CCDC93: variants seen among roughly 807,000 people sequenced by gnomAD.
CCDC93 encodes the protein CCC complex scaffolding subunit CCDC93, also known as coiled-coil domain-containing protein 93.
Under a neutral mutation model 108.2 loss-of-function variants are expected in CCDC93, and 61 were observed. The ratio of observed to expected loss-of-function variants is 0.56; its 90% confidence interval spans 0.46 to 0.70. The LOEUF is 0.70. Ranked by LOEUF, CCDC93 falls within the 30% of genes least tolerant of loss-of-function variation. The pLI is 0.00. For missense variants in CCDC93, 685 were observed against 764.2 expected, an observed-to-expected ratio of 0.90 and a Z score of 1.22; for synonymous variants, 276 against 260.4, an observed-to-expected ratio of 1.06 and a Z score of -0.58.
At chr2:117,982,548 G>C (rs1680178316) in intron 7 of CCDC93, among the ~76,000 whole-genome samples, 1 of 152,204 alleles carries the variant, frequency 6.6e-6, no homozygotes, top group South Asian at 2.1e-4. Context: ...ATGGGGGAAG[G>C]AGATGGAATG....
At position 117,916,928 on chromosome 2, in the gene CCDC93, G is replaced by T. The variant is rs1179807919; in HGVS notation, c.*3415C>A. The stretch of plus-strand genomic sequence containing the variant: ...CTTGGCAATCCCAACCATGGGGACA[G>T]ATGATGGCATCCATCCTATGGGGCT... On this transcript the variant is annotated 3_prime_UTR_variant, in exon 24 of 24. Transcript: ENST00000376300. 1 of 152,242 alleles carries T rather than the reference G, an allele frequency of 6.6e-6. No homozygotes were observed. Among genetic ancestry groups the T allele is most frequent in the Non-Finnish European group, 1.5e-5 (1 of 68,058 alleles). 9.4% of individuals were successfully genotyped at this position (152,242 alleles called of 1,614,324 possible). A position where few individuals can be genotyped will look rare whatever the true frequency, so the allele number is the denominator to read the frequency against.
chr2:117,938,756 A>C (rs1305029205), intron 20 of CCDC93, among the ~76,000 whole-genome samples: 2 of 151,946 alleles, frequency 1.3e-5, no homozygotes, highest in Non-Finnish European at 2.9e-5. Flanking sequence ...AGTCTCACCA[A>C]CTCCAGAGCT....
Position 117,939,063 on chromosome 2 carries a change from G to T in CCDC93, c.1571C>A (p.Thr524Asn), listed in dbSNP as rs1211894354. The T allele has an allele frequency of 6.2e-7, 1 of 1,604,470 alleles. No individual in the cohort carries two copies. The highest frequency in any genetic ancestry group is 1.1e-5 in the South Asian group (1 of 90,658). ...CAAATAAACCTTTTTATCATCCAGG[G>T]TATTATATAAAGTGAAGAACTGCTT... is the stretch of plus-strand genomic sequence containing the variant. ...ETKQFFTLYN[T>N]LDDKKVYLEK... The change falls in exon 20 of 24, where the codon ACC becomes AAC. Residue 524 changes from threonine to asparagine, a missense_variant. Coordinates refer to ENST00000376300, the MANE Select transcript of CCDC93 (RefSeq NM_019044.5).
chr2:118,006,038 T>C (rs1401486917), intron 3 of CCDC93, among the ~76,000 whole-genome samples: 1 of 152,078 alleles, frequency 6.6e-6, no homozygotes, highest in East Asian at 1.9e-4. Flanking sequence ...CACTTTTTTT[T>C]CCCCCTTTGC....
intron 19 of CCDC93, 125 bp downstream of exon 19, chr2:117,941,064 G>A (rs986183747): frequency 3.4e-5 from 23 of 675,780 alleles, no homozygotes; most frequent in Middle Eastern, 6.7e-4. Context: ...CTGATGAAAC[G>A]GAGCTTTCCG....
intron 20 of CCDC93, 58 bp from the exon 21 acceptor site, chr2:117,936,797 C>T (rs1429613129): frequency 1.6e-6 from 2 of 1,286,032 alleles, no homozygotes; most frequent in African/African-American, 1.5e-5. Context: ...TTCCACACTA[C>T]TGCAACTGCT....
In CCDC93 at chr2:117,959,341, TAAACAGTC is replaced by T. The variant is rs1268115169; in HGVS notation, c.889-868_889-861del. 2.0e-5 allele frequency among the ~76,000 whole-genome samples: 3 copies of T among 152,238 alleles called. 1 individual carries two copies. The highest frequency in any genetic ancestry group is 4.1e-4 in the South Asian group (2 of 4,832). On this transcript the variant is annotated intron_variant, in intron 11 of 23. Coordinates refer to ENST00000376300, the MANE Select transcript of CCDC93 (RefSeq NM_019044.5). Reference sequence around the variant, plus strand: ...ACTTCTTGGATGATTATAGTTTTATTAAACAGTCAAACACCAACAATAAAACATCTTCT... The same window carrying T: ...ACTTCTTGGATGATTATAGTTTTATTAAACACCAACAATAAAACATCTTCT...
At chr2:117,921,373 C>T (rs1223474420) in intron 23 of CCDC93, among the ~76,000 whole-genome samples, 4 of 152,088 alleles carry the variant, frequency 2.6e-5, no homozygotes, top group Non-Finnish European at 4.4e-5. Context: ...CTTCTAACTG[C>T]GCCTCCTGCC....
intron 6 of CCDC93, among the ~76,000 whole-genome samples, chr2:117,987,195 T>A (rs1048287567): frequency 6.6e-6 from 1 of 152,226 alleles, no homozygotes; most frequent in Non-Finnish European, 1.5e-5. Context: ...ACCTTTCTTT[T>A]ACACTTTATA....
rs138026247 is a variant in CCDC93 at position 117,946,824 on chromosome 2, C to A, written c.1283G>T (p.Arg428Leu). The part of the protein sequence containing the change: ...IENLKAERAP[R>L]GDEKTLSSGE... ...CAGAGCCTTTACCTTTTCATCTCCA[C>A]GTGGTGCTCTCTCAGCTTTCAGGTT... Residue 428 changes from arginine (R) to leucine (L), a missense_variant, in exon 16 of 24, where the codon CGT (arginine) becomes CTT (leucine). Physicochemically the swap from Arg to Leu is moderately radical, Grantham distance 102. Coordinates refer to ENST00000376300, the MANE Select transcript of CCDC93 (RefSeq NM_019044.5). 3 of 1,612,134 alleles carry A rather than the reference C, an allele frequency of 1.9e-6. No individual in the cohort carries two copies. The highest frequency in any genetic ancestry group is 1.1e-5 in the South Asian group (1 of 91,044).
At chr2:118,013,741 A>AG (rs1476702969) in intron 1 of CCDC93, among the ~76,000 whole-genome samples, 1 of 151,308 alleles carries the variant, frequency 6.6e-6, no homozygotes, top group Non-Finnish European at 1.5e-5. Context: ...GAGCGGCTTA[A>AG]GTTTGTCCTC....
intron 11 of CCDC93, among the ~76,000 whole-genome samples, chr2:117,972,208 C>T (rs1320214928): frequency 6.6e-6 from 1 of 152,178 alleles, no homozygotes; most frequent in Non-Finnish European, 1.5e-5. Flanking sequence ...CAAGAATCAA[C>T]AGCATATATG....
chr2:117,920,170 C>T lies in CCDC93; in HGVS notation c.*173G>A, dbSNP rs1395324908. ...CGTGTTTACTGTCTGACTCCATCAA[C>T]AGCAGCCAACAGAGATGAATGGAAG... is the stretch of plus-strand genomic sequence containing the variant. On this transcript the variant is annotated 3_prime_UTR_variant, in exon 24 of 24. Coordinates refer to ENST00000376300, the MANE Select transcript of CCDC93 (RefSeq NM_019044.5). 1.1e-5 allele frequency: 6 copies of T among 526,722 alleles called. No homozygotes were observed. In the South Asian group the frequency reaches 1.4e-4, roughly 12 times the overall value. The allele number at this position is 526,722 out of a possible 1,614,324, so 32.6% of individuals were successfully genotyped here.
At chr2:117,949,703 AT>A (rs201940472) in intron 13 of CCDC93, 1 of 955,150 alleles carries the variant, frequency 1.0e-6, no homozygotes, top group Non-Finnish European at 1.2e-6. Context: ...TTATTCAAAA[AT>A]TAAAAAAAAA....
intron 4 of CCDC93, chr2:117,998,729 T>C (rs1182748933): frequency 2.0e-5 from 3 of 152,194 alleles, no homozygotes; most frequent in African/African-American, 4.8e-5. Context: ...TCCAAAGTCC[T>C]AGTTAAAAAC....
chr2:117,946,944 A>G, intron 15 of CCDC93, 62 bp from the exon 16 acceptor site: 1 of 1,196,902 alleles, frequency 8.4e-7, no homozygotes, highest in Non-Finnish European at 1.2e-6. Flanking sequence ...GCAATTATTC[A>G]ACTATTTGGT....
At chr2:117,982,764 G>GGC (rs1050302433) in intron 7 of CCDC93, among the ~76,000 whole-genome samples, 1 of 151,786 alleles carries the variant, frequency 6.6e-6, no homozygotes, top group African/African-American at 2.4e-5. Flanking sequence ...GTGGGGGGGG[G>GGC]GGTGCGTGAG....
chr2:117,935,481 A>T lies in CCDC93; in HGVS notation c.1728+14T>A. 2 of 1,598,718 alleles carry T rather than the reference A, an allele frequency of 1.3e-6. No homozygotes were observed. ...TAAAACCTGGGCTGCATTACAGAAA[A>T]GAAGCCATCTGACCTTCATTCTACT... On this transcript the variant is annotated intron_variant, in intron 22 of 23. Coordinates refer to ENST00000376300, the MANE Select transcript of CCDC93 (RefSeq NM_019044.5).
chr2:117,962,115 G>C (rs1679415327), intron 11 of CCDC93, among the ~76,000 whole-genome samples: 1 of 151,968 alleles, frequency 6.6e-6, no homozygotes, highest in African/African-American at 2.4e-5. Context: ...ATTCCCAAGA[G>C]AAGCAAAAAA....
Sources: allele counts gnomAD v4.1 joint callset (sites outside exome capture counted in the v4.1 genomes callset), GRCh38; gene constraint gnomAD v4.1.1; transcripts MANE v1.5; gene names NCBI Gene and HGNC (gene_info 2026-07-23, HGNC 2026-07-21).